The following CCDC141 variants were observed in gnomAD, a reference collection of about 807,000 sequenced individuals.
The protein encoded by CCDC141 is coiled-coil domain containing 141, also known as coiled-coil domain-containing protein 141.
In CCDC141, 168 loss-of-function variants were observed where a neutral mutation model predicts 181.0. That is an observed-to-expected ratio of 0.93 (90% CI 0.82 to 1.05). The LOEUF (loss-of-function observed/expected upper bound fraction) is 1.05. Among genes scored for constraint, CCDC141 ranks in the 50% least tolerant of loss-of-function variants. The probability of loss-of-function intolerance (pLI) is 0.00; values close to 1 mark genes in which losing one functional copy is unlikely to be tolerated. For synonymous variants in CCDC141, 666 were observed against 642.3 expected (o/e 1.04, Z -0.56); for missense variants, 1,902 against 1,788.5 (o/e 1.06, Z -1.14).
At chr2:178,988,501 T>G (rs1575312325) in intron 2 of CCDC141, among the ~76,000 whole-genome samples, 1 of 151,760 alleles carries the variant, frequency 6.6e-6, no homozygotes, top group African/African-American at 2.4e-5. Context: ...AAAAAGAAAT[T>G]GAAGAAGACC....
chr2:178,989,605 A>AAAATAAATAAAT (rs566226723), intron 2 of CCDC141, among the ~76,000 whole-genome samples: 1 of 136,872 alleles, frequency 7.3e-6, no homozygotes, highest in Non-Finnish European at 1.5e-5. Flanking sequence ...AAAAAAAAAA[A>AAAATAAATAAAT]AAATAAATAA....
At chr2:178,913,755 T>C (rs1194097299) in intron 7 of CCDC141, among the ~76,000 whole-genome samples, 2 of 152,202 alleles carry the variant, frequency 1.3e-5, no homozygotes, top group Non-Finnish European at 2.9e-5. Context: ...ACCCCAACTT[T>C]TGCTTCATCT....
chr2:178,983,609 G>C (rs1691555077), intron 2 of CCDC141, among the ~76,000 whole-genome samples: 1 of 145,636 alleles, frequency 6.9e-6, no homozygotes, highest in Admixed American at 6.9e-5. Flanking sequence ...CCAATACAGA[G>C]AAGTGCTTAA....
In CCDC141 at chr2:178,875,756, G is replaced by C. The variant is rs543557888; in HGVS notation, c.1899+2208C>G. 7 of 152,182 alleles carry C rather than the reference G, an allele frequency of 4.6e-5. No individual in the cohort carries two copies. In the South Asian group the frequency reaches 1.5e-3, roughly 32 times the overall value. The allele number at this position is 152,182 out of a possible 1,614,324, so 9.4% of individuals were successfully genotyped here. A position where few individuals can be genotyped will look rare whatever the true frequency, so the allele number is the denominator to read the frequency against. ...ATAAAAGTACCGACTGTAGATTCCA[G>C]AACTAAAATTTCTGAAATGAAGTTA... On this transcript the variant is annotated intron_variant, in intron 12 of 23. Transcript: ENST00000443758.
chr2:178,818,183 C>A, the CCDC141 span, among the ~76,000 whole-genome samples: 9 of 152,104 alleles, frequency 5.9e-5, no homozygotes, highest in African/African-American at 2.2e-4. Context: ...GCATTCTTAC[C>A]ACCTCCTAAT....
Position 178,978,659 on chromosome 2 carries a change from A to C in CCDC141, c.242T>G (p.Val81Gly). Residue 81 changes from valine (V) to glycine (G), a missense_variant, in exon 3 of 24, where the codon GTA (valine) becomes GGA (glycine). By Grantham distance (109) the Val-to-Gly change is moderately radical. Coordinates refer to ENST00000443758, the MANE Select transcript of CCDC141 (RefSeq NM_173648.4). ...LAKLKALEDRVWELLQEADKT... is the reference protein window; with the variant it reads ...LAKLKALEDRGWELLQEADKT... Reference sequence around the variant, plus strand: ...GTCTGCTTCCTGCAAGAGTTCCCATACCCGATCTTCCAAAGCCTAAGTACA... The same window carrying C: ...GTCTGCTTCCTGCAAGAGTTCCCATCCCCGATCTTCCAAAGCCTAAGTACA... 6.5e-7 allele frequency: 1 copy of C among 1,540,692 alleles called. No individual in the cohort carries two copies. Among genetic ancestry groups the C allele is most frequent in the Non-Finnish European group, 8.7e-7 (1 of 1,143,044 alleles).
In CCDC141 at chr2:179,050,108, C is replaced by T; in HGVS notation, c.-167G>A. 1.9e-6 allele frequency: 2 copies of T among 1,042,952 alleles called. No homozygotes were observed. Among genetic ancestry groups the T allele is most frequent in the Non-Finnish European group, 1.3e-6 (1 of 752,900 alleles). The allele number at this position is 1,042,952 out of a possible 1,614,324, so 64.6% of individuals were successfully genotyped here. On this transcript the variant is annotated 5_prime_UTR_variant, in exon 1 of 24. It removes an upstream start codon present in the reference 5' UTR. Transcript: ENST00000443758. Reference sequence around the variant, plus strand: ...ACAGGAGGTTAAAAATAGACAACCCCATTGAGTTTATCGTGAGAGAGAAAG... The same window carrying T: ...ACAGGAGGTTAAAAATAGACAACCCTATTGAGTTTATCGTGAGAGAGAAAG...
intron 5 of CCDC141, among the ~76,000 whole-genome samples, chr2:178,947,538 C>T (rs1352831945): frequency 1.3e-5 from 2 of 152,168 alleles, no homozygotes; most frequent in Non-Finnish European, 2.9e-5. Flanking sequence ...TTTGATAGGG[C>T]ATTCTAGGTA....
intron 2 of CCDC141, among the ~76,000 whole-genome samples, chr2:179,025,828 T>C (rs1159254085): frequency 6.6e-6 from 1 of 152,178 alleles, no homozygotes; most frequent in Non-Finnish European, 1.5e-5. Flanking sequence ...ATATGGACAA[T>C]AAAGTCCAGG....
At chr2:178,856,465 C>CA (rs1191016427) in intron 17 of CCDC141, 68 bp from the exon 18 acceptor site, 5 of 1,243,664 alleles carry the variant, frequency 4.0e-6, no homozygotes, top group Non-Finnish European at 5.6e-6. Flanking sequence ...TGCAATAAAT[C>CA]AAAGCATCTG....
intron 5 of CCDC141, among the ~76,000 whole-genome samples, chr2:178,959,166 A>T (rs1418162368): frequency 6.6e-6 from 1 of 151,986 alleles, no homozygotes; most frequent in African/African-American, 2.4e-5. Flanking sequence ...GGGGGGAGGG[A>T]TAGCATTAGG....
At chr2:178,947,045 T>TACACATGGTAAA (rs1288827618) in intron 5 of CCDC141, among the ~76,000 whole-genome samples, 5 of 152,182 alleles carry the variant, frequency 3.3e-5, no homozygotes, top group African/African-American at 1.2e-4. Context: ...GAGCAGACTC[T>TACACATGGTAAA]TCGATCAGAT....
chr2:178,851,004 G>C (rs538910581), intron 20 of CCDC141, among the ~76,000 whole-genome samples: 161 of 152,148 alleles, frequency 1.1e-3, no homozygotes, highest in African/African-American at 3.7e-3. Flanking sequence ...TCAGGAGTTC[G>C]AGACCAGCCT....
At chr2:178,930,706 A>G (rs1449556223) in intron 6 of CCDC141, among the ~76,000 whole-genome samples, 1 of 152,150 alleles carries the variant, frequency 6.6e-6, no homozygotes, top group African/African-American at 2.4e-5. Flanking sequence ...CAACAGAGAA[A>G]GAATATTTTT....
At chr2:178,886,601 T>A (rs1686896697) in intron 10 of CCDC141, 151 bp downstream of exon 10, 3 of 515,796 alleles carry the variant, frequency 5.8e-6, no homozygotes, top group South Asian at 6.6e-5. Flanking sequence ...TTTAGACACA[T>A]AAGAATATGA....
chr2:178,916,306 T>A (rs1223561895), intron 7 of CCDC141, among the ~76,000 whole-genome samples: 1 of 152,124 alleles, frequency 6.6e-6, no homozygotes, highest in Non-Finnish European at 1.5e-5. Flanking sequence ...GATTTTGAAA[T>A]TATATTAATT....
intron 15 of CCDC141, 118 bp from the exon 16 acceptor site, chr2:178,868,323 A>T: frequency 1.3e-6 from 1 of 788,468 alleles, no homozygotes; most frequent in Admixed American, 2.5e-5. Flanking sequence ...GCCCATCTTT[A>T]AACTGTTGGC....
chr2:178,897,427 G>T (rs1455799777), intron 8 of CCDC141, among the ~76,000 whole-genome samples: 1 of 152,168 alleles, frequency 6.6e-6, no homozygotes, highest in Non-Finnish European at 1.5e-5. Context: ...AAAACTGTGG[G>T]AAAAGAAAGC....
chr2:178,833,407 A>T lies in CCDC141; in HGVS notation c.*766T>A, dbSNP rs541632017. The T allele has an allele frequency of 1.3e-5, 2 of 152,324 alleles. No individual in the cohort carries two copies. Among genetic ancestry groups the T allele is most frequent in the African/African-American group, 4.8e-5 (2 of 41,578 alleles). 9.4% of individuals were successfully genotyped at this position (152,324 alleles called of 1,614,324 possible). A position where few individuals can be genotyped will look rare whatever the true frequency, so the allele number is the denominator to read the frequency against. ...AAAGTATAAAAATGGTCATCAGCAG[A>T]ATCAAGATTAGAAGCAGAAACACCT... On this transcript the variant is annotated 3_prime_UTR_variant, in exon 24 of 24. Transcript: ENST00000443758.
Sources: allele counts gnomAD v4.1 joint callset (sites outside exome capture counted in the v4.1 genomes callset), GRCh38; gene constraint gnomAD v4.1.1; transcripts MANE v1.5; gene names NCBI Gene and HGNC (gene_info 2026-07-23, HGNC 2026-07-21).